Variants in MED23 observed in about 807,000 individuals in gnomAD.
MED23 encodes the protein mediator complex subunit 23, also known as mediator of RNA polymerase II transcription subunit 23.
A neutral mutation model predicts 163.9 loss-of-function variants in MED23; 105 were observed. That is an observed-to-expected ratio of 0.64 (90% CI 0.55 to 0.75). The LOEUF is 0.75. Among genes scored for constraint, MED23 ranks in the 30% least tolerant of loss-of-function variants. The probability of loss-of-function intolerance (pLI) is 0.00; values close to 1 mark genes in which losing one functional copy is unlikely to be tolerated. For missense variants in MED23, 1,054 were observed against 1,649.0 expected, an observed-to-expected ratio of 0.64 and a Z score of 6.25; for synonymous variants, 561 against 565.6, an observed-to-expected ratio of 0.99 and a Z score of 0.12.
At chr6:131,581,323 G>A in intron 30 of MED23, 3 of 1,613,894 alleles carry the variant, frequency 1.9e-6, no homozygotes, top group Non-Finnish European at 2.5e-6. Flanking sequence ...ACAACCACAA[G>A]TGGAAACTTG....
At chr6:131,612,166 G>A (rs1776322497) in intron 10 of MED23, among the ~76,000 whole-genome samples, 1 of 151,878 alleles carries the variant, frequency 6.6e-6, no homozygotes, top group African/African-American at 2.4e-5. Context: ...TAGCAGAAGA[G>A]CTATCAGGAT....
In MED23 at chr6:131,598,519, T is replaced by C. The variant is rs73544642; in HGVS notation, c.2426+37A>G. On this transcript the variant is annotated intron_variant, in intron 19 of 28. Transcript: ENST00000368068. This position sits in a 1 kb window ranked among gnomAD's most constrained non-coding sequence, Gnocchi z 4.7. ...CTCCATTGTTGTATGGATACAACAATTTGCCAAATGGAATGCAAATTAGGT... is the reference window on the plus strand; with the variant it reads ...CTCCATTGTTGTATGGATACAACAACTTGCCAAATGGAATGCAAATTAGGT... 1,981 of 1,613,856 alleles carry C rather than the reference T, an allele frequency of 1.2e-3. 17 individuals carry two copies. In the African/African-American group the frequency reaches 0.024, roughly 20 times the overall value.
At chr6:131,626,264 T>C (rs888283742) in intron 3 of MED23, among the ~76,000 whole-genome samples, 1 of 152,104 alleles carries the variant, frequency 6.6e-6, no homozygotes, top group Non-Finnish European at 1.5e-5. Context: ...GCAATACTAT[T>C]TCTAGGAATT....
chr6:131,622,095 A>C, intron 5 of MED23, 116 bp from the exon 6 acceptor site: 1 of 673,804 alleles, frequency 1.5e-6, no homozygotes, highest in Non-Finnish European at 2.6e-6. Context: ...AAATTTTCTG[A>C]ATCAGTTACA....
At chr6:131,579,401 A>T in intron 30 of MED23, 1 of 1,264,480 alleles carries the variant, frequency 7.9e-7, no homozygotes, top group Non-Finnish European at 1.1e-6. Flanking sequence ...ATTTTATATC[A>T]AATTTTCTGC....
intron 24 of MED23, 116 bp downstream of exon 24, chr6:131,592,890 C>T: frequency 8.4e-7 from 1 of 1,191,378 alleles, no homozygotes; most frequent in South Asian, 1.3e-5. Context: ...AGAAAACAGT[C>T]ATCATCCAAT....
rs757607049 is a variant in MED23, at chr6:131,624,939, C to T, written c.210G>A (p.Gln70=). ...IQWIVKFIHG[Q]HSPKRISFLY... ...GAAAAGAAATTCTTTTAGGACTATGCTGACCATGAATAAACTTAACAATCC... is the reference window on the plus strand; with the variant it reads ...GAAAAGAAATTCTTTTAGGACTATGTTGACCATGAATAAACTTAACAATCC... The change falls in exon 4 of 29, where the codon CAG becomes CAA. Residue 70 remains glutamine (Q), a synonymous_variant. Coordinates refer to ENST00000368068, the MANE Select transcript of MED23 (RefSeq NM_004830.4). 2 of 1,613,724 alleles carry T rather than the reference C, an allele frequency of 1.2e-6. No homozygotes were observed. Among genetic ancestry groups the T allele is most frequent in the South Asian group, 1.1e-5 (1 of 91,080 alleles).
intron 16 of MED23, 23 bp from the exon 17 acceptor site, chr6:131,602,404 G>C (rs377240053): frequency 1.2e-6 from 2 of 1,607,384 alleles, no homozygotes; most frequent in East Asian, 2.2e-5. Flanking sequence ...AGAATAAAAA[G>C]AAATGTAAAA....
chr6:131,576,911 A>C (rs1015694190), intron 30 of MED23, among the ~76,000 whole-genome samples: 1 of 152,154 alleles, frequency 6.6e-6, no homozygotes. Flanking sequence ...TGCTCAGGAA[A>C]CATTGCTGGA....
downstream of MED23, among the ~76,000 whole-genome samples, chr6:131,586,303 G>A (rs1264000294): frequency 6.6e-6 from 1 of 152,064 alleles, no homozygotes; most frequent in Non-Finnish European, 1.5e-5. Context: ...GGGAGGCTGA[G>A]GCAGGAGAAT....
intron 20 of MED23, among the ~76,000 whole-genome samples, chr6:131,597,144 T>C (rs1052328469): frequency 2.0e-5 from 3 of 152,150 alleles, no homozygotes; most frequent in African/African-American, 7.2e-5. Context: ...TTTTTTTCAA[T>C]GTAGCATTTT....
intron 11 of MED23, 102 bp from the exon 12 acceptor site, chr6:131,608,173 G>C (rs562250782): frequency 4.9e-6 from 6 of 1,235,222 alleles, no homozygotes; most frequent in Non-Finnish European, 5.8e-6. Context: ...GGAGAAACCT[G>C]GTTCTTGCTC....
chr6:131,577,124 TAAC>T (rs760836063), intron 30 of MED23, among the ~76,000 whole-genome samples: 20 of 152,152 alleles, frequency 1.3e-4, no homozygotes, highest in Non-Finnish European at 2.4e-4. Flanking sequence ...ATAATGATAA[TAAC>T]AACAGCGCCT....
intron 30 of MED23, chr6:131,581,501 G>C (rs995464505): frequency 1.7e-6 from 2 of 1,197,446 alleles, no homozygotes; most frequent in Non-Finnish European, 2.4e-6. Context: ...CATTTTCTCT[G>C]CAGCCAATAA....
chr6:131,596,494 T>A (rs759108254), intron 21 of MED23, 24 bp downstream of exon 21: 1 of 1,613,424 alleles, frequency 6.2e-7, no homozygotes, highest in East Asian at 2.2e-5. Flanking sequence ...AAGGACTATT[T>A]GAAATACCAA....
chr6:131,627,323 T>C, intron 3 of MED23, 73 bp downstream of exon 3: 2 of 1,063,012 alleles, frequency 1.9e-6, no homozygotes, highest in Non-Finnish European at 2.7e-6. Context: ...AAAGTAAATG[T>C]TAAAAGAAAA....
chr6:131,602,504 T>C (rs966241450), intron 16 of MED23, 123 bp from the exon 17 acceptor site: 1 of 844,056 alleles, frequency 1.2e-6, no homozygotes, highest in Non-Finnish European at 1.8e-6. Context: ...AAAACACTTT[T>C]GTGTGAGAAT....
intron 26 of MED23, among the ~76,000 whole-genome samples, chr6:131,590,826 C>G (rs1253408521): frequency 1.3e-5 from 2 of 151,980 alleles, no homozygotes; most frequent in African/African-American, 2.4e-5. Context: ...ACCATGTTGG[C>G]CAGGATGGTC....
At chr6:131,627,351 A>G in intron 3 of MED23, 45 bp downstream of exon 3, 21 of 1,177,236 alleles carry the variant, frequency 1.8e-5, no homozygotes, top group Non-Finnish European at 2.2e-5. Context: ...AAAAAAGAAG[A>G]GGCCAAAAAT....
Sources: gnomAD v4.1 joint callset for allele counts (sites outside exome capture counted in the v4.1 genomes callset) on GRCh38, gnomAD v4.1.1 for gene constraint, Gnocchi (gnomAD v3.1) non-coding constraint, MANE v1.5 for transcripts, NCBI Gene and HGNC (gene_info 2026-07-23, HGNC 2026-07-21) for gene names.